The following CDH8 variants were observed in gnomAD, a reference collection of about 807,000 sequenced individuals.
CDH8 encodes cadherin 8.
A neutral mutation model predicts 68.1 loss-of-function variants in CDH8; 17 were observed. That is an observed-to-expected ratio of 0.25 (90% CI 0.17 to 0.37). The LOEUF (loss-of-function observed/expected upper bound fraction) is 0.37. CDH8 is among the 10% of genes least tolerant of loss of function. The pLI, the probability that CDH8 is intolerant of heterozygous loss-of-function variation, is 1.00. For missense variants in CDH8, 763 were observed against 999.3 expected (o/e 0.76, Z 3.19); for synonymous variants, 372 against 365.1 (o/e 1.02, Z -0.21).
intron 2 of CDH8, among the ~76,000 whole-genome samples, chr16:61,966,944 C>T (rs1404286253): frequency 6.6e-6 from 1 of 152,102 alleles, no homozygotes; most frequent in Non-Finnish European, 1.5e-5. Context: ...GTGGCTCACA[C>T]CTGTAATCCC....
At chr16:62,033,121 T>A (rs1902366784) in intron 1 of CDH8, among the ~76,000 whole-genome samples, 1 of 152,230 alleles carries the variant, frequency 6.6e-6, no homozygotes, top group South Asian at 2.1e-4. Flanking sequence ...TACATTCACA[T>A]CAGTCTTTAC....
Position 61,698,212 on chromosome 16 carries a change from G to A in CDH8, c.1654+15629C>T, listed in dbSNP as rs538519192. ...CCTTTGAGCCCACGTATAATTATTT[G>A]TGTTTTTTTATCCTCATAATGCTGT... is the stretch of plus-strand genomic sequence containing the variant. On this transcript the variant is annotated intron_variant, in intron 10 of 11. Coordinates refer to ENST00000577390, the MANE Select transcript of CDH8 (RefSeq NM_001796.5). Among the ~76,000 whole-genome samples, 6 of 152,226 alleles carry A rather than the reference G, an allele frequency of 3.9e-5. 1 individual carries two copies. The South Asian group carries it at 1.2e-3, about 32-fold the overall frequency.
At position 61,748,046 on chromosome 16, in the gene CDH8, G is replaced by A. The variant is rs79010042; in HGVS notation, c.1415-20831C>T. Among the ~76,000 whole-genome samples the A allele has an allele frequency of 3.5e-3, 533 of 152,094 alleles. 3 individuals carry two copies. The highest frequency in any genetic ancestry group is 5.4e-3 in the Non-Finnish European group (369 of 67,922). On this transcript the variant is annotated intron_variant, in intron 8 of 11. Coordinates refer to ENST00000577390, the MANE Select transcript of CDH8 (RefSeq NM_001796.5). ...AGTCAGTGGAGAATAAACCACTTTG[G>A]TTGACTTCTTCCTCAGCACTGTTCT...
chr16:61,758,367 G>A (rs1401791544), intron 8 of CDH8, among the ~76,000 whole-genome samples: 1 of 152,140 alleles, frequency 6.6e-6, no homozygotes, highest in East Asian at 1.9e-4. Context: ...AGATAAATCA[G>A]TTAAAGAAGA....
At chr16:61,909,709 ATACATT>A (rs1964126441) in intron 2 of CDH8, among the ~76,000 whole-genome samples, 1 of 152,208 alleles carries the variant, frequency 6.6e-6, no homozygotes, top group South Asian at 2.1e-4. Flanking sequence ...AATGTAACAT[ATACATT>A]TAGAAGCCAT....
chr16:61,723,245 T>C (rs1296571452), intron 9 of CDH8, among the ~76,000 whole-genome samples: 1 of 150,726 alleles, frequency 6.6e-6, no homozygotes, highest in African/African-American at 2.4e-5. Context: ...CTGGCCAACA[T>C]TGGTCACTGA....
intron 2 of CDH8, among the ~76,000 whole-genome samples, chr16:61,944,695 A>G (rs1964774109): frequency 6.6e-6 from 1 of 152,130 alleles, no homozygotes; most frequent in African/African-American, 2.4e-5. Flanking sequence ...TAATGCCAGC[A>G]CTTTAAGAGC....
At chr16:62,005,509 G>A (rs1296659849) in intron 2 of CDH8, among the ~76,000 whole-genome samples, 2 of 151,966 alleles carry the variant, frequency 1.3e-5, no homozygotes, top group East Asian at 3.9e-4. Flanking sequence ...AGGCTGAGGT[G>A]GGTGGATCAC....
intron 10 of CDH8, among the ~76,000 whole-genome samples, chr16:61,709,658 T>G (rs1255588033): frequency 6.6e-6 from 1 of 152,006 alleles, no homozygotes; most frequent in African/African-American, 2.4e-5. Flanking sequence ...GAATTGAAAG[T>G]GATCCCAACA....
rs374884617 is a variant in CDH8, at chr16:61,820,010, G to C, written c.1023+916C>G. On this transcript the variant is annotated intron_variant, in intron 6 of 11. Coordinates refer to ENST00000577390, the MANE Select transcript of CDH8 (RefSeq NM_001796.5). ...GTTCTACACATTTCTTATGAGTGTA[G>C]GTATTATGATGAGAACTATAAATGG... is the stretch of plus-strand genomic sequence containing the variant. 2.6e-5 allele frequency among the ~76,000 whole-genome samples: 4 copies of C among 152,020 alleles called. No individual in the cohort carries two copies. In the East Asian group the frequency reaches 7.7e-4, roughly 29 times the overall value.
intron 6 of CDH8, among the ~76,000 whole-genome samples, chr16:61,818,767 A>C: frequency 6.6e-6 from 1 of 152,182 alleles, no homozygotes; most frequent in East Asian, 1.9e-4. Context: ...ATTTCTCATA[A>C]GAAATAGAAC....
chr16:61,696,198 T>C (rs1465228568), intron 10 of CDH8, among the ~76,000 whole-genome samples: 1 of 152,200 alleles, frequency 6.6e-6, no homozygotes, highest in Non-Finnish European at 1.5e-5. Flanking sequence ...TGCTGGTATG[T>C]CTGTGACTTA....
At chr16:61,893,133 G>A (rs972844064) in intron 3 of CDH8, among the ~76,000 whole-genome samples, 39 of 152,202 alleles carry the variant, frequency 2.6e-4, no homozygotes, top group African/African-American at 8.9e-4. Context: ...CCAGCTATGT[G>A]TGGCTCCTGG....
chr16:61,835,354 C>A (rs1457197727), intron 4 of CDH8, among the ~76,000 whole-genome samples: 5 of 149,678 alleles, frequency 3.3e-5, no homozygotes, highest in Admixed American at 6.6e-5. Flanking sequence ...GTGTAGATCA[C>A]AGCCATCTCT....
chr16:61,883,653 A>G (rs2143145713), intron 3 of CDH8, among the ~76,000 whole-genome samples: 1 of 151,080 alleles, frequency 6.6e-6, no homozygotes, highest in East Asian at 1.9e-4. Flanking sequence ...ATGTAGGTTA[A>G]TGGCATACTT....
At chr16:61,833,864 T>C (rs1962513170) in intron 4 of CDH8, among the ~76,000 whole-genome samples, 1 of 151,854 alleles carries the variant, frequency 6.6e-6, no homozygotes, top group South Asian at 2.1e-4. Context: ...CTTTCTTCCT[T>C]TTGATTGTAT....
intron 2 of CDH8, among the ~76,000 whole-genome samples, chr16:61,914,741 T>A (rs1964211768): frequency 7.5e-6 from 1 of 133,448 alleles, no homozygotes; most frequent in African/African-American, 2.7e-5. Flanking sequence ...ATAAAAAGAG[T>A]TAAAAAAAAA....
rs1469919165 is a variant in CDH8, at chr16:62,013,051, G to C, written c.252+8101C>G. Among the ~76,000 whole-genome samples, 2 of 30,430 alleles carry C rather than the reference G, an allele frequency of 6.6e-5. 1 individual carries two copies. Among genetic ancestry groups the C allele is most frequent in the Non-Finnish European group, 1.5e-4 (2 of 12,926 alleles). The allele number at this position is 30,430 out of a possible 152,430, so 20.0% of individuals were successfully genotyped here. ...GGGTGGATCATGAGGTCAGGAGATC[G>C]AGACCATCCTGGCTAACAAGGTGAA... On this transcript the variant is annotated intron_variant, in intron 2 of 11. Transcript: ENST00000577390.
intron 10 of CDH8, among the ~76,000 whole-genome samples, chr16:61,679,473 C>T (rs1963974286): frequency 6.6e-6 from 1 of 151,846 alleles, no homozygotes; most frequent in African/African-American, 2.4e-5. Context: ...AGACATGTAC[C>T]AGTTACTGTG....
Sources: gnomAD v4.1 joint callset for allele counts (sites outside exome capture counted in the v4.1 genomes callset) on GRCh38, gnomAD v4.1.1 for gene constraint, MANE v1.5 for transcripts, NCBI Gene and HGNC (gene_info 2026-07-23, HGNC 2026-07-21) for gene names.